Variants in ASCC2 observed in about 807,000 individuals in gnomAD.
ASCC2 encodes activating signal cointegrator 1 complex subunit 2, also known as ASC-1 complex subunit P100.
Under a neutral mutation model 93.5 loss-of-function variants are expected in ASCC2, and 42 were observed. The ratio of observed to expected loss-of-function variants is 0.45; its 90% CI spans 0.35 to 0.58. The LOEUF (loss-of-function observed/expected upper bound fraction) is 0.58. ASCC2 is among the 20% of genes least tolerant of loss of function. The pLI is 0.00. For synonymous variants in ASCC2, 364 were observed against 384.2 expected (o/e 0.95, Z 0.62); for missense variants, 859 against 977.6 (o/e 0.88, Z 1.62).
At chr22:29,803,252 C>CAA (rs34793933) in intron 13 of ASCC2, among the ~76,000 whole-genome samples, 18,754 of 145,200 alleles carry the variant, frequency 0.13, 1,928 homozygotes, top group African/African-American at 0.28. Flanking sequence ...ACTCCATCTC[C>CAA]AAAAAAAAAA....
At chr22:29,790,887 A>G (rs2057651224) in intron 18 of ASCC2, among the ~76,000 whole-genome samples, 1 of 152,186 alleles carries the variant, frequency 6.6e-6, no homozygotes, top group Non-Finnish European at 1.5e-5. Flanking sequence ...GAGGCTGTGC[A>G]GGGCCCTGAA....
chr22:29,798,548 T>C (rs1187555287), intron 15 of ASCC2, among the ~76,000 whole-genome samples: 2 of 152,218 alleles, frequency 1.3e-5, no homozygotes, highest in African/African-American at 4.8e-5. Flanking sequence ...TAGACGGCCC[T>C]ACCTTACACC....
rs2062917535 is a variant in ASCC2 at position 29,829,942 on chromosome 22, T to C, written c.81+2303A>G. Reference sequence around the variant, plus strand: ...GTAACTACCCTTTGGCTAGAGATCATGCCCCAAGCCAAGACTAAAGGGACA... The same window carrying C: ...GTAACTACCCTTTGGCTAGAGATCACGCCCCAAGCCAAGACTAAAGGGACA... On this transcript the variant is annotated intron_variant, in intron 2 of 19. Transcript: ENST00000307790. 1.3e-5 allele frequency among the ~76,000 whole-genome samples: 2 copies of C among 152,144 alleles called. 1 individual carries two copies. Among genetic ancestry groups the C allele is most frequent in the Admixed American group, 1.3e-4 (2 of 15,266 alleles).
intron 8 of ASCC2, among the ~76,000 whole-genome samples, chr22:29,811,300 T>C (rs1225055893): frequency 3.3e-5 from 5 of 152,194 alleles, no homozygotes; most frequent in Non-Finnish European, 7.3e-5. Flanking sequence ...TGCATATCTC[T>C]GGAAAATTCC....
In ASCC2 at chr22:29,806,333, C is replaced by T. The variant is rs377198776; in HGVS notation, c.1086-43G>A. On this transcript the variant is annotated intron_variant, in intron 11 of 19. Transcript: ENST00000307790. ...CAGATGGGATGGACAGAGCTGGGGCCACAGGAATGCTGTGCTGCTGCAGGC... is the reference window on the plus strand; with the variant it reads ...CAGATGGGATGGACAGAGCTGGGGCTACAGGAATGCTGTGCTGCTGCAGGC... 51 of 1,601,052 alleles carry T rather than the reference C, an allele frequency of 3.2e-5. No individual in the cohort carries two copies. The African/African-American group carries it at 4.8e-4, about 15-fold the overall frequency.
chr22:29,803,096 A>T (rs1000633853), intron 13 of ASCC2, among the ~76,000 whole-genome samples: 2 of 151,744 alleles, frequency 1.3e-5, no homozygotes, highest in South Asian at 2.1e-4. Flanking sequence ...AAAAAAATAC[A>T]AAAAATTAGC....
At chr22:29,812,326 C>T (rs543082288) in intron 8 of ASCC2, among the ~76,000 whole-genome samples, 3 of 152,300 alleles carry the variant, frequency 2.0e-5, no homozygotes, top group African/African-American at 4.8e-5. Flanking sequence ...CCAGGCAATA[C>T]GCAGGTTGCC....
In ASCC2 at chr22:29,813,500, T is replaced by G. The variant is rs199932893; in HGVS notation, c.763A>C (p.Thr255Pro). Residue 255 changes from threonine to proline, a missense_variant, in exon 8 of 20, where the codon ACA becomes CCA. Physicochemically the swap from Thr to Pro is conservative, Grantham distance 38. Coordinates refer to ENST00000307790, the MANE Select transcript of ASCC2 (RefSeq NM_032204.5). ...AAGATATCCAGAAAGGCCCAAAGTG[T>G]GGTGCAGGTATCACAAAGGTAGAGA... The part of the protein sequence containing the change: ...IVLYLCDTCT[T>P]LWAFLDIFPL... 1.9e-6 allele frequency: 3 copies of G among 1,614,170 alleles called. No homozygotes were observed. In the Admixed American group the frequency reaches 5.0e-5, roughly 27 times the overall value.
chr22:29,832,353 T>C lies in ASCC2; in HGVS notation c.-17-11A>G. Reference sequence around the variant, plus strand: ...TGCTGCGTGACCCTCCTGAAAGGAATATGGATGGGAAGAAGAGAGCAGACA... The same window carrying C: ...TGCTGCGTGACCCTCCTGAAAGGAACATGGATGGGAAGAAGAGAGCAGACA... On this transcript the variant is annotated splice_polypyrimidine_tract_variant and intron_variant, in intron 1 of 19. Transcript: ENST00000307790. 6.3e-7 allele frequency: 1 copy of C among 1,593,934 alleles called. No homozygotes were observed.
intron 1 of ASCC2, among the ~76,000 whole-genome samples, chr22:29,837,179 C>G (rs554232522): frequency 6.6e-6 from 1 of 152,084 alleles, no homozygotes; most frequent in Non-Finnish European, 1.5e-5. Flanking sequence ...GCCTGTAATC[C>G]CAGCGCTTTG....
chr22:29,830,034 T>C (rs1437014361), intron 2 of ASCC2, among the ~76,000 whole-genome samples: 1 of 152,098 alleles, frequency 6.6e-6, no homozygotes, highest in African/African-American at 2.4e-5. Context: ...AGAGTAACAC[T>C]CTTCAGTCTG....
intron 2 of ASCC2, among the ~76,000 whole-genome samples, chr22:29,830,692 GGTCT>G (rs536033995): frequency 3.9e-5 from 6 of 152,312 alleles, no homozygotes; most frequent in African/African-American, 1.2e-4. Context: ...AGAAGCTACT[GGTCT>G]GTCTTTCTCT....
chr22:29,837,424 C>A (rs1246341648), intron 1 of ASCC2, among the ~76,000 whole-genome samples: 3 of 143,222 alleles, frequency 2.1e-5, no homozygotes, highest in Non-Finnish European at 4.8e-5. Flanking sequence ...CAGAGCAAGA[C>A]CCCGTCTTGG....
chr22:29,810,546 A>G (rs1346441217), intron 8 of ASCC2, among the ~76,000 whole-genome samples: 7 of 152,230 alleles, frequency 4.6e-5, no homozygotes, highest in Admixed American at 4.6e-4. Flanking sequence ...AAACAGGTTC[A>G]GCTGTTGCCA....
In ASCC2 at chr22:29,804,820, G is replaced by A; in HGVS notation, c.1171C>T (p.Arg391Trp). ...ACTGCCTGGAGGATGTAGGCAGTCC[G>A]CGTCTCGTCCCTGTGAGGACTTGTT... ...QQASSVLDET[R>W]TAYILQAVES... is the part of the protein sequence containing the mutation. The change falls in exon 13 of 20, where the codon CGG becomes TGG. Residue 391 changes from arginine to tryptophan, a missense_variant. Physicochemically the swap from Arg to Trp is moderately radical, Grantham distance 101. Transcript: ENST00000307790. 1.2e-6 allele frequency: 2 copies of A among 1,613,342 alleles called. No individual in the cohort carries two copies. The highest frequency in any genetic ancestry group is 1.7e-6 in the Non-Finnish European group (2 of 1,179,368).
intron 2 of ASCC2, among the ~76,000 whole-genome samples, chr22:29,828,620 T>A (rs142096556): frequency 5.3e-5 from 8 of 152,264 alleles, no homozygotes; most frequent in African/African-American, 1.4e-4. Flanking sequence ...CCTCCCTGAC[T>A]CCCATCCCAG....
chr22:29,806,456 T>C (rs774778296), intron 11 of ASCC2, 29 bp downstream of exon 11: 3 of 1,611,158 alleles, frequency 1.9e-6, no homozygotes, highest in South Asian at 1.1e-5. Flanking sequence ...GGGAGGGTCA[T>C]GGGCCCAGGC....
At chr22:29,826,695 A>G (rs2062381666) in intron 2 of ASCC2, among the ~76,000 whole-genome samples, 1 of 152,154 alleles carries the variant, frequency 6.6e-6, no homozygotes, top group Admixed American at 6.6e-5. Flanking sequence ...GGTACAGAGA[A>G]GGTGAGCTGC....
rs147581838 is a variant in ASCC2, at chr22:29,825,634, T to A, written c.228A>T (p.Lys76Asn). 2 of 1,614,064 alleles carry A rather than the reference T, an allele frequency of 1.2e-6. No homozygotes were observed. Among genetic ancestry groups the A allele is most frequent in the African/African-American group, 2.7e-5 (2 of 74,912 alleles). The change falls in exon 3 of 20, where the codon AAA becomes AAT. Residue 76 changes from lysine to asparagine, a missense_variant. By Grantham distance (94) the Lys-to-Asn change is moderately conservative (BLOSUM62 0). Transcript: ENST00000307790. This position sits in a 1 kb window ranked among gnomAD's most constrained non-coding sequence, Gnocchi z 4.9. ...GATAGAATGTTACCTGGCACCAGAA[T>A]TTATCGTGAGGCAAGGCCAGGAGCC... ...LDWLLALPHD[K>N]FWCQVIFDET...
Sources: gnomAD v4.1 joint callset for allele counts (sites outside exome capture counted in the v4.1 genomes callset) on GRCh38, gnomAD v4.1.1 for gene constraint, Gnocchi (gnomAD v3.1) non-coding constraint, MANE v1.5 for transcripts, NCBI Gene and HGNC (gene_info 2026-07-23, HGNC 2026-07-21) for gene names.